LHX2: variants seen among roughly 807,000 people sequenced by gnomAD.
LHX2 encodes the protein LIM/homeobox protein Lhx2.
A neutral mutation model predicts 33.0 loss-of-function variants in LHX2; 6 were observed. The ratio of observed to expected loss-of-function variants is 0.18; its 90% CI spans 0.10 to 0.36. The LOEUF is 0.36. LHX2 is among the 10% of genes least tolerant of loss of function. The pLI is 1.00. For synonymous variants in LHX2, 292 were observed against 253.1 expected (o/e 1.15, Z -1.46); for missense variants, 442 against 586.2 (o/e 0.75, Z 2.54).
Position 124,021,091 on chromosome 9 carries a change from C to T in LHX2, c.728-8C>T, listed in dbSNP as rs200443910. The stretch of plus-strand genomic sequence containing the variant: ...AGTTCACCCACCGGCTCTGTGTCTC[C>T]TCCCTAGCGCTAAGCTGCAACGAAA... On this transcript the variant is annotated splice_region_variant and splice_polypyrimidine_tract_variant and intron_variant, in intron 3 of 4. Transcript: ENST00000373615. 4.1e-4 allele frequency: 663 copies of T among 1,613,800 alleles called. 5 individuals are homozygous for T. In the East Asian group the frequency reaches 0.013, roughly 32 times the overall value.
chr9:124,031,117 T>C (rs546898643), intron 4 of LHX2, among the ~76,000 whole-genome samples: 3 of 152,272 alleles, frequency 2.0e-5, no homozygotes, highest in Middle Eastern at 6.8e-3. Context: ...CATAAGTCGA[T>C]ACGGGATGCA....
rs1222189646 is a variant in LHX2 at position 124,033,168 on chromosome 9, AAAG to A, written c.*464_*466del. The A allele has an allele frequency of 6.5e-6, 1 of 153,064 alleles. No homozygotes were observed. The highest frequency in any genetic ancestry group is 2.4e-5 in the African/African-American group (1 of 41,358). The allele number at this position is 153,064 out of a possible 1,614,324, so 9.5% of individuals were successfully genotyped here. The stretch of plus-strand genomic sequence containing the variant: ...ACTTTGAATAGTCCTAAAAAGAAAA[AAAG>A]AAAAAAAAAAAAGGAAAAATCAAAC... On this transcript the variant is annotated 3_prime_UTR_variant, in exon 5 of 5. Transcript: ENST00000373615.
chr9:124,023,817 G>T (rs773408156), intron 4 of LHX2, among the ~76,000 whole-genome samples: 1 of 152,184 alleles, frequency 6.6e-6, no homozygotes, highest in Non-Finnish European at 1.5e-5. Context: ...TCCTGGCCCT[G>T]AGGAAATTCA....
intron 3 of LHX2, among the ~76,000 whole-genome samples, chr9:124,020,502 T>C (rs1564550243): frequency 6.6e-6 from 1 of 152,130 alleles, no homozygotes; most frequent in Non-Finnish European, 1.5e-5. Context: ...AATCTCTGTT[T>C]CAGCAGTTTC....
In LHX2 at chr9:124,032,682, A is replaced by G. The variant is rs768983413; in HGVS notation, c.1196A>G (p.Gln399Arg). Residue 399 changes from glutamine (Q) to arginine (R), a missense_variant, in exon 5 of 5, where the codon CAA becomes CGA. By Grantham distance (43) the Gln-to-Arg change is conservative (BLOSUM62 1). This residue lies in a region of LHX2 where 109 missense variants were observed against 98.7 expected (regional missense o/e 1.10). Transcript: ENST00000373615. This position sits in a 1 kb window ranked among gnomAD's most constrained non-coding sequence, Gnocchi z 4.1. ...LEGHEPHSPS[Q>R]TTLTNLF Reference sequence around the variant, plus strand: ...GGCCATGAGCCTCACAGCCCCTCACAAACGACTCTTACCAACCTTTTCTAA... The same window carrying G: ...GGCCATGAGCCTCACAGCCCCTCACGAACGACTCTTACCAACCTTTTCTAA... 1.0e-5 allele frequency: 16 copies of G among 1,602,646 alleles called. No individual in the cohort carries two copies. The highest frequency in any genetic ancestry group is 7.7e-5 in the South Asian group (7 of 90,482).
At chr9:124,028,487 T>C (rs1018301709) in intron 4 of LHX2, among the ~76,000 whole-genome samples, 1 of 152,186 alleles carries the variant, frequency 6.6e-6, no homozygotes, top group Admixed American at 6.5e-5. Flanking sequence ...GTCAGAACCC[T>C]GAGAGCCATA....
intron 4 of LHX2, among the ~76,000 whole-genome samples, chr9:124,031,040 T>C (rs531130048): frequency 3.3e-5 from 5 of 152,304 alleles, no homozygotes; most frequent in South Asian, 2.1e-4. Flanking sequence ...AGTAAACCCA[T>C]GTTCTCTCAC....
rs1439448985 is a variant in LHX2 at position 124,012,343 on chromosome 9, G to A, written c.-6G>A. On this transcript the variant is annotated 5_prime_UTR_variant, in exon 1 of 5. Coordinates refer to ENST00000373615, the MANE Select transcript of LHX2 (RefSeq NM_004789.4). The surrounding 1 kb of genome is among the most constrained non-coding windows in gnomAD (Gnocchi z 4.3). ...CCGCGCCCCCGGCCCCGCCGGTCCC[G>A]CCGCGATGCTGTTCCACAGTCTGTC... The A allele has an allele frequency of 8.0e-6, 12 of 1,493,916 alleles. No individual in the cohort carries two copies. In the African/African-American group the frequency reaches 1.5e-4, roughly 18 times the overall value. The allele number at this position is 1,493,916 out of a possible 1,614,324, so 92.5% of individuals were successfully genotyped here. A position where few individuals can be genotyped will look rare whatever the true frequency, so the allele number is the denominator to read the frequency against.
At chr9:124,018,340 GA>G (rs1459754605) in intron 3 of LHX2, among the ~76,000 whole-genome samples, 1 of 151,134 alleles carries the variant, frequency 6.6e-6, no homozygotes, top group East Asian at 2.0e-4. Context: ...CTCCTCCCCG[GA>G]TCCGATCCTG....
intron 3 of LHX2, among the ~76,000 whole-genome samples, chr9:124,017,639 C>T (rs1291078248): frequency 6.6e-6 from 1 of 152,172 alleles, no homozygotes; most frequent in East Asian, 1.9e-4. Flanking sequence ...CATCCTGTGG[C>T]CCAGCCACGA....
chr9:124,029,085 C>T (rs1339251951), intron 4 of LHX2, among the ~76,000 whole-genome samples: 1 of 151,986 alleles, frequency 6.6e-6, no homozygotes, highest in Non-Finnish European at 1.5e-5. Context: ...GCACTCCAGC[C>T]TGGGTGACAG....
In LHX2 at chr9:124,032,538, C is replaced by G; in HGVS notation, c.1052C>G (p.Ser351Trp). 2 of 1,614,048 alleles carry G rather than the reference C, an allele frequency of 1.2e-6. No homozygotes were observed. Among genetic ancestry groups the G allele is most frequent in the Non-Finnish European group, 8.5e-7 (1 of 1,180,000 alleles). The change falls in exon 5 of 5, where the codon TCG (serine) becomes TGG (tryptophan). Residue 351 changes from serine to tryptophan, a missense_variant. This residue lies in a region of LHX2 where 109 missense variants were observed against 98.7 expected (regional missense o/e 1.10). Coordinates refer to ENST00000373615, the MANE Select transcript of LHX2 (RefSeq NM_004789.4). This position sits in a 1 kb window ranked among gnomAD's most constrained non-coding sequence, Gnocchi z 4.1. ...ACAGGGACGCCATCGGGCCCGGCCT[C>G]GGAGCTCTCCAACGCCTCGCTCAGC... ...LQTGTPSGPA[S>W]ELSNASLSPS...
intron 4 of LHX2, among the ~76,000 whole-genome samples, chr9:124,022,912 G>A (rs1428066367): frequency 1.3e-5 from 2 of 152,166 alleles, no homozygotes; most frequent in African/African-American, 4.8e-5. Context: ...AGGGAGCGTC[G>A]GCCAATGGGA....
chr9:124,015,568 A>C lies in LHX2; in HGVS notation c.727+43A>C. 1 of 1,441,244 alleles carries C rather than the reference A, an allele frequency of 6.9e-7. No homozygotes were observed. The allele number at this position is 1,441,244 out of a possible 1,614,324, so 89.3% of individuals were successfully genotyped here. On this transcript the variant is annotated intron_variant, in intron 3 of 4. Transcript: ENST00000373615. This position sits in a 1 kb window ranked among gnomAD's most constrained non-coding sequence, Gnocchi z 7.9. The stretch of plus-strand genomic sequence containing the variant: ...GAAGCGCCCCCATAGGGTTGGGGGA[A>C]AGTGTGCGGCCTCGACGGCCGGGAG...
chr9:124,029,043 C>T (rs1307528473), intron 4 of LHX2, among the ~76,000 whole-genome samples: 1 of 152,012 alleles, frequency 6.6e-6, no homozygotes, highest in East Asian at 1.9e-4. Flanking sequence ...ACCTGGGAGG[C>T]AGAGGTTGAA....
At position 124,012,865 on chromosome 9, in the gene LHX2, G is replaced by T. The variant is rs1039349088; in HGVS notation, c.120+397G>T. 1.3e-5 allele frequency among the ~76,000 whole-genome samples: 2 copies of T among 152,220 alleles called. No individual in the cohort carries two copies. The highest frequency in any genetic ancestry group is 4.8e-5 in the African/African-American group (2 of 41,460). On this transcript the variant is annotated intron_variant, in intron 1 of 4. Coordinates refer to ENST00000373615, the MANE Select transcript of LHX2 (RefSeq NM_004789.4). The surrounding 1 kb of genome is among the most constrained non-coding windows in gnomAD (Gnocchi z 4.3). ...CCAGGGAAGGGCGAACCAGCTGGGA[G>T]CATTGGGGCTCCAGCCGGCTTGGGC...
At position 124,015,767 on chromosome 9, in the gene LHX2, G is replaced by GT. The variant is rs531520467; in HGVS notation, c.727+249dup. 5.3e-5 allele frequency among the ~76,000 whole-genome samples: 8 copies of GT among 152,356 alleles called. No homozygotes were observed. The East Asian group carries it at 1.3e-3, about 26-fold the overall frequency. On this transcript the variant is annotated intron_variant, in intron 3 of 4. Coordinates refer to ENST00000373615, the MANE Select transcript of LHX2 (RefSeq NM_004789.4). This position sits in a 1 kb window ranked among gnomAD's most constrained non-coding sequence, Gnocchi z 7.9. ...TGCAGGGCCTTGTCTCTGATAAATT[G>GT]TTTTTTTGGAGATGGCTTTTTGGTT...
chr9:124,021,088 C>A lies in LHX2; in HGVS notation c.728-11C>A, dbSNP rs1454860925. On this transcript the variant is annotated splice_polypyrimidine_tract_variant and intron_variant, in intron 3 of 4. Coordinates refer to ENST00000373615, the MANE Select transcript of LHX2 (RefSeq NM_004789.4). ...GGAAGTTCACCCACCGGCTCTGTGT[C>A]TCCTCCCTAGCGCTAAGCTGCAACG... 2.5e-6 allele frequency: 4 copies of A among 1,613,634 alleles called. No homozygotes were observed. Among genetic ancestry groups the A allele is most frequent in the Non-Finnish European group, 2.5e-6 (3 of 1,179,754 alleles).
intron 3 of LHX2, among the ~76,000 whole-genome samples, chr9:124,017,485 A>G (rs553140831): frequency 6.6e-6 from 1 of 152,158 alleles, no homozygotes; most frequent in Non-Finnish European, 1.5e-5. Context: ...AAATGGCCGC[A>G]GTGTGGGCCG....
Sources: allele counts gnomAD v4.1 joint callset (sites outside exome capture counted in the v4.1 genomes callset), GRCh38; gene constraint gnomAD v4.1.1; regional missense constraint gnomAD v4.1.1; non-coding constraint Gnocchi (gnomAD v3.1); transcripts MANE v1.5; gene names NCBI Gene and HGNC (gene_info 2026-07-23, HGNC 2026-07-21).